CADM1: variants seen among roughly 807,000 people sequenced by gnomAD.
CADM1 encodes the protein cell adhesion molecule 1, also known as TSLC-1.
A neutral mutation model predicts 53.1 loss-of-function variants in CADM1; 15 were observed. The observed-to-expected ratio is 0.28, with a 90% CI of 0.19 to 0.44. CADM1 has a LOEUF of 0.44. CADM1 is among the 20% of genes least tolerant of loss of function. The pLI is 1.00. For missense variants in CADM1, 434 were observed against 611.3 expected (o/e 0.71, Z 3.06); for synonymous variants, 281 against 243.0 (o/e 1.16, Z -1.45).
intron 1 of CADM1, among the ~76,000 whole-genome samples, chr11:115,261,176 C>T (rs1418645908): frequency 6.6e-6 from 1 of 152,076 alleles, no homozygotes; most frequent in African/African-American, 2.4e-5. Flanking sequence ...ATAAAACCAT[C>T]AAAGATGTTA....
chr11:115,358,780 T>G (rs1945947586), intron 1 of CADM1, among the ~76,000 whole-genome samples: 1 of 152,146 alleles, frequency 6.6e-6, no homozygotes. Flanking sequence ...AAATATCATC[T>G]CTCCACCTAA....
intron 1 of CADM1, among the ~76,000 whole-genome samples, chr11:115,324,593 T>C (rs1944912086): frequency 6.6e-6 from 1 of 152,182 alleles, no homozygotes; most frequent in Non-Finnish European, 1.5e-5. Flanking sequence ...CTAGTGCAGA[T>C]AGAACCTTTT....
intron 5 of CADM1, among the ~76,000 whole-genome samples, chr11:115,220,236 T>C (rs1941355005): frequency 6.6e-6 from 1 of 152,136 alleles, no homozygotes; most frequent in African/African-American, 2.4e-5. Context: ...CTAAGGATTT[T>C]ACATGCTCAA....
intron 1 of CADM1, among the ~76,000 whole-genome samples, chr11:115,359,657 T>A (rs1945976369): frequency 6.6e-6 from 1 of 152,226 alleles, no homozygotes; most frequent in Non-Finnish European, 1.5e-5. Flanking sequence ...GTCTACTATA[T>A]GCCTGGCACC....
intron 1 of CADM1, among the ~76,000 whole-genome samples, chr11:115,503,775 T>C (rs1273538130): frequency 6.7e-6 from 1 of 149,052 alleles, no homozygotes; most frequent in Non-Finnish European, 1.5e-5. Context: ...CGGGGAGAAA[T>C]CACGCCGCGG....
At chr11:115,248,945 A>G (rs1270773541) in intron 1 of CADM1, among the ~76,000 whole-genome samples, 1 of 152,204 alleles carries the variant, frequency 6.6e-6, no homozygotes, top group South Asian at 2.1e-4. Flanking sequence ...TATTAATTAA[A>G]CAATAACTGC....
At chr11:115,242,004 G>C (rs1002574095) in intron 1 of CADM1, among the ~76,000 whole-genome samples, 1 of 150,676 alleles carries the variant, frequency 6.6e-6, no homozygotes, top group African/African-American at 2.4e-5. Flanking sequence ...GACACACTGG[G>C]AAAGTGTGAG....
chr11:115,209,468 C>T (rs1158717256), intron 8 of CADM1, 106 bp downstream of exon 8: 6 of 1,525,848 alleles, frequency 3.9e-6, no homozygotes, highest in East Asian at 2.3e-5. Flanking sequence ...AATAAAGGAA[C>T]GATTAAATTC....
intron 1 of CADM1, among the ~76,000 whole-genome samples, chr11:115,386,733 C>G (rs1946708456): frequency 6.6e-6 from 1 of 152,144 alleles, no homozygotes; most frequent in African/African-American, 2.4e-5. Context: ...CCCAGTCACC[C>G]CTTAAAGGCT....
intron 1 of CADM1, among the ~76,000 whole-genome samples, chr11:115,428,780 CGTGTGTGT>C (rs45437796): frequency 5.3e-5 from 8 of 151,022 alleles, no homozygotes; most frequent in Admixed American, 5.3e-4. Flanking sequence ...TGTGTGTGTG[CGTGTGTGT>C]GTGTGTGTGT....
intron 1 of CADM1, among the ~76,000 whole-genome samples, chr11:115,486,534 G>A (rs117306053): frequency 0.032 from 4,777 of 151,614 alleles, 123 homozygotes; most frequent in Middle Eastern, 0.092. Context: ...TTGTAGAGAC[G>A]GGGTCTCACT....
chr11:115,440,213 A>G (rs566938449), intron 1 of CADM1, among the ~76,000 whole-genome samples: 2 of 152,350 alleles, frequency 1.3e-5, no homozygotes, highest in South Asian at 2.1e-4. Context: ...CTCAGAATAC[A>G]TAATCACTGT....
intron 1 of CADM1, among the ~76,000 whole-genome samples, chr11:115,493,107 G>A (rs533535714): frequency 3.0e-4 from 45 of 151,944 alleles, no homozygotes; most frequent in African/African-American, 1.1e-3. Flanking sequence ...CCAGGTATGG[G>A]GGCAGGAAAA....
intron 1 of CADM1, among the ~76,000 whole-genome samples, chr11:115,496,894 T>TA (rs1949630836): frequency 6.6e-6 from 1 of 152,220 alleles, no homozygotes; most frequent in African/African-American, 2.4e-5. Flanking sequence ...AGTTGATACC[T>TA]ACTGCAAAAA....
rs992063283 is a variant in CADM1, at chr11:115,178,707, C to T, written c.1234G>A (p.Val412Met). 1 of 1,613,742 alleles carries T rather than the reference C, an allele frequency of 6.2e-7. No individual in the cohort carries two copies. Among genetic ancestry groups the T allele is most frequent in the Non-Finnish European group, 8.5e-7 (1 of 1,179,926 alleles). Residue 412 changes from valine to methionine, a missense_variant, in exon 11 of 12, where the codon GTG becomes ATG. Physicochemically the swap from Val to Met is conservative, Grantham distance 21. Around this residue, in one of 4 missense-constraint regions of CADM1, gnomAD observed 311 missense variants for 435.1 expected, o/e 0.71. Transcript: ENST00000331581. Reference sequence around the variant, plus strand: ...AAGCACAGCATGGCGAACACCACCACCGCCACGACGCCACCGATCACGGCA... The same window carrying T: ...AAGCACAGCATGGCGAACACCACCATCGCCACGACGCCACCGATCACGGCA... ...DHAVIGGVVAVVVFAMLCLLI... is the reference protein window; with the variant it reads ...DHAVIGGVVAMVVFAMLCLLI...
At chr11:115,232,750 C>T (rs1941866358) in intron 3 of CADM1, among the ~76,000 whole-genome samples, 1 of 151,978 alleles carries the variant, frequency 6.6e-6, no homozygotes, top group South Asian at 2.1e-4. Flanking sequence ...AGGACTGAGC[C>T]TGTTGAAATA....
intron 10 of CADM1, among the ~76,000 whole-genome samples, chr11:115,188,621 A>G (rs1939690903): frequency 6.6e-6 from 1 of 152,224 alleles, no homozygotes; most frequent in African/African-American, 2.4e-5. Flanking sequence ...TTCTACCCTG[A>G]TGCAGCAGGG....
At chr11:115,382,443 G>C (rs915749501) in intron 1 of CADM1, among the ~76,000 whole-genome samples, 13 of 152,094 alleles carry the variant, frequency 8.5e-5, no homozygotes, top group Admixed American at 7.9e-4. Context: ...AATACCCCAA[G>C]TAAGAGTTCA....
At chr11:115,367,170 C>A (rs1015930761) in intron 1 of CADM1, among the ~76,000 whole-genome samples, 4 of 152,210 alleles carry the variant, frequency 2.6e-5, no homozygotes, top group African/African-American at 4.8e-5. Flanking sequence ...GCTATGATTG[C>A]GCCTGTGAAT....
Sources: allele counts gnomAD v4.1 joint callset (sites outside exome capture counted in the v4.1 genomes callset), GRCh38; gene constraint gnomAD v4.1.1; regional missense constraint gnomAD v4.1.1; transcripts MANE v1.5; gene names NCBI Gene and HGNC (gene_info 2026-07-23, HGNC 2026-07-21).